The following TENM2 variants were observed in gnomAD, a reference collection of about 807,000 sequenced individuals.
TENM2 encodes the protein teneurin-2.
Under a neutral mutation model 245.2 loss-of-function variants are expected in TENM2, and 52 were observed. The ratio of observed to expected loss-of-function variants is 0.21; its 90% confidence interval spans 0.17 to 0.27. TENM2 has a LOEUF of 0.27. Among genes scored for constraint, TENM2 ranks in the 10% least tolerant of loss-of-function variants. The probability of loss-of-function intolerance (pLI) is 1.00; values close to 1 mark genes in which losing one functional copy is unlikely to be tolerated. For missense variants in TENM2, 3,046 were observed against 3,666.8 expected, an observed-to-expected ratio of 0.83 and a Z score of 4.37; for synonymous variants, 1,363 against 1,438.9, an observed-to-expected ratio of 0.95 and a Z score of 1.19.
intron 2 of TENM2, among the ~76,000 whole-genome samples, chr5:167,560,398 G>T (rs537344461): frequency 1.3e-5 from 2 of 152,074 alleles, no homozygotes. Flanking sequence ...TAGCATGTAG[G>T]TGATTTTCCT....
intron 12 of TENM2, among the ~76,000 whole-genome samples, chr5:168,131,451 C>T (rs1754571062): frequency 6.6e-6 from 1 of 152,172 alleles, no homozygotes; most frequent in Admixed American, 6.5e-5. Flanking sequence ...GCACTGGGCC[C>T]TTCTATTTTT....
intron 2 of TENM2, among the ~76,000 whole-genome samples, chr5:167,619,059 T>C (rs1223101004): frequency 6.6e-6 from 1 of 152,100 alleles, no homozygotes; most frequent in African/African-American, 2.4e-5. Context: ...GCCCATGACA[T>C]AGCCACGTGG....
At chr5:167,045,502 C>A in the TENM2 span, among the ~76,000 whole-genome samples, 1 of 152,184 alleles carries the variant, frequency 6.6e-6, no homozygotes, top group Non-Finnish European at 1.5e-5. Context: ...TCTCCATTCC[C>A]TCTTCTCTCT....
intron 2 of TENM2, among the ~76,000 whole-genome samples, chr5:167,514,851 A>T (rs1770210790): frequency 6.6e-6 from 1 of 152,146 alleles, no homozygotes. Flanking sequence ...TCTCTACTAA[A>T]AATACAAAAA....
intron 4 of TENM2, among the ~76,000 whole-genome samples, chr5:167,974,508 T>C (rs1782286264): frequency 6.7e-6 from 1 of 150,284 alleles, no homozygotes; most frequent in African/African-American, 2.4e-5. Flanking sequence ...AGGCAGTCTA[T>C]GGGATTCATT....
the TENM2 span, among the ~76,000 whole-genome samples, chr5:167,131,984 G>A: frequency 3.3e-5 from 5 of 151,890 alleles, no homozygotes; most frequent in Admixed American, 2.6e-4. Flanking sequence ...CACCATGCCC[G>A]GATAATTTTT....
chr5:167,158,901 TTCCTTCCTCTTC>T, the TENM2 span, among the ~76,000 whole-genome samples: 6 of 141,154 alleles, frequency 4.3e-5, no homozygotes, highest in African/African-American at 1.7e-4. Context: ...CCTTCCTTCC[TTCCTTCCTCTTC>T]CTCTCTCTCT....
chr5:167,152,383 C>T, the TENM2 span, among the ~76,000 whole-genome samples: 1 of 152,132 alleles, frequency 6.6e-6, no homozygotes, highest in Non-Finnish European at 1.5e-5. Flanking sequence ...CTTTATTTAA[C>T]AGTAACGTGA....
the TENM2 span, among the ~76,000 whole-genome samples, chr5:167,078,816 G>T: frequency 3.4e-4 from 52 of 152,234 alleles, no homozygotes; most frequent in Non-Finnish European, 6.0e-4. Flanking sequence ...TAACATTGCA[G>T]TCATGGTCAA....
intron 8 of TENM2, among the ~76,000 whole-genome samples, chr5:168,091,683 G>A (rs1792955677): frequency 6.6e-6 from 1 of 152,186 alleles, no homozygotes; most frequent in Admixed American, 6.5e-5. Context: ...GAAGACCCAG[G>A]TTGTGGAAAC....
At chr5:168,184,922 G>T (rs1760252571) in intron 13 of TENM2, among the ~76,000 whole-genome samples, 1 of 152,220 alleles carries the variant, frequency 6.6e-6, no homozygotes, top group South Asian at 2.1e-4. Flanking sequence ...GTGCCACCTT[G>T]TGCCAATGGT....
At chr5:167,068,232 G>A in the TENM2 span, among the ~76,000 whole-genome samples, 1 of 152,136 alleles carries the variant, frequency 6.6e-6, no homozygotes. Flanking sequence ...GCTTATATTT[G>A]AATACACCTT....
At chr5:167,322,349 G>GC (rs1487245368) in intron 1 of TENM2, among the ~76,000 whole-genome samples, 4 of 151,894 alleles carry the variant, frequency 2.6e-5, no homozygotes, top group African/African-American at 7.3e-5. Context: ...GGCCCTGTTA[G>GC]CCACCCATAC....
At chr5:167,808,154 T>TA (rs1201990538) in intron 2 of TENM2, among the ~76,000 whole-genome samples, 5 of 152,208 alleles carry the variant, frequency 3.3e-5, no homozygotes, top group African/African-American at 1.2e-4. Flanking sequence ...TCATTACACT[T>TA]ACGTTACTAG....
At chr5:167,974,960 G>A (rs1387014682) in intron 4 of TENM2, among the ~76,000 whole-genome samples, 2 of 152,196 alleles carry the variant, frequency 1.3e-5, no homozygotes, top group Non-Finnish European at 2.9e-5. Flanking sequence ...AAACTTGAGA[G>A]CCAGAAAGGA....
intron 23 of TENM2, among the ~76,000 whole-genome samples, chr5:168,224,026 C>G (rs1763918630): frequency 6.6e-6 from 1 of 152,132 alleles, no homozygotes; most frequent in Non-Finnish European, 1.5e-5. Context: ...TGTTGTCGAT[C>G]CTGATGGCTT....
intron 3 of TENM2, among the ~76,000 whole-genome samples, chr5:167,942,502 T>C: frequency 6.6e-6 from 1 of 152,176 alleles, no homozygotes; most frequent in East Asian, 1.9e-4. Context: ...GAACCCTTGC[T>C]AGAAAGAAAC....
chr5:167,607,556 A>G (rs964768655), intron 2 of TENM2, among the ~76,000 whole-genome samples: 1 of 152,080 alleles, frequency 6.6e-6, no homozygotes, highest in Non-Finnish European at 1.5e-5. Flanking sequence ...CTTATACTCT[A>G]CCTCACCCAT....
chr5:167,606,871 C>A (rs908883435), intron 2 of TENM2, among the ~76,000 whole-genome samples: 8 of 152,142 alleles, frequency 5.3e-5, no homozygotes, highest in African/African-American at 7.2e-5. Context: ...GTAAAAATAT[C>A]ATTTTCACCT....
Sources: gnomAD v4.1 joint callset for allele counts (sites outside exome capture counted in the v4.1 genomes callset) on GRCh38, gnomAD v4.1.1 for gene constraint, MANE v1.5 for transcripts, NCBI Gene and HGNC (gene_info 2026-07-23, HGNC 2026-07-21) for gene names.